NCOA2: variants seen among roughly 807,000 people sequenced by gnomAD.
The protein encoded by NCOA2 is nuclear receptor coactivator 2.
NCOA2 carries 21 observed loss-of-function variants against 145.1 expected under a neutral mutation model. The observed-to-expected ratio is 0.14, with a 90% CI of 0.10 to 0.21. The LOEUF (loss-of-function observed/expected upper bound fraction) is 0.21. Ranked by LOEUF, NCOA2 falls within the 10% of genes least tolerant of loss-of-function variation. The pLI, the probability that NCOA2 is intolerant of heterozygous loss-of-function variation, is 1.00. For missense variants in NCOA2, 1,472 were observed against 1,837.6 expected (o/e 0.80, Z 3.64); for synonymous variants, 619 against 637.5 (o/e 0.97, Z 0.44).
chr8:70,384,939 T>C (rs1195257168), intron 1 of NCOA2, among the ~76,000 whole-genome samples: 6 of 152,190 alleles, frequency 3.9e-5, no homozygotes, highest in African/African-American at 1.4e-4. Flanking sequence ...GTAATAATAA[T>C]CATTCTGTAA....
At chr8:70,361,611 T>C (rs779901371) in intron 1 of NCOA2, among the ~76,000 whole-genome samples, 1 of 152,260 alleles carries the variant, frequency 6.6e-6, no homozygotes, top group African/African-American at 2.4e-5. Context: ...TTGACATATA[T>C]TATCTCCTAC....
intron 1 of NCOA2, among the ~76,000 whole-genome samples, chr8:70,317,290 A>G (rs1586471196): frequency 6.6e-6 from 1 of 152,176 alleles, no homozygotes; most frequent in Non-Finnish European, 1.5e-5. Flanking sequence ...TGACTGGTGG[A>G]CCTGGTTCAA....
At chr8:70,210,163 C>T (rs966740131) in intron 4 of NCOA2, among the ~76,000 whole-genome samples, 12 of 152,200 alleles carry the variant, frequency 7.9e-5, no homozygotes, top group African/African-American at 2.2e-4. Flanking sequence ...CTCTGTGTCT[C>T]AGGTTCCCCT....
intron 2 of NCOA2, among the ~76,000 whole-genome samples, chr8:70,228,676 T>A (rs1010367729): frequency 6.6e-6 from 1 of 152,238 alleles, no homozygotes; most frequent in African/African-American, 2.4e-5. Context: ...CAATTGTTTA[T>A]AAAAGCTACA....
At chr8:70,350,282 A>G (rs1809061378) in intron 1 of NCOA2, among the ~76,000 whole-genome samples, 1 of 152,132 alleles carries the variant, frequency 6.6e-6, no homozygotes, top group Non-Finnish European at 1.5e-5. Context: ...CTCAGTTAAT[A>G]ATTATAATTC....
chr8:70,318,405 T>C (rs1249539546), intron 1 of NCOA2, among the ~76,000 whole-genome samples: 3 of 152,224 alleles, frequency 2.0e-5, no homozygotes, highest in African/African-American at 7.2e-5. Context: ...AGCATATCTT[T>C]TGAATCCTCC....
the NCOA2 span, among the ~76,000 whole-genome samples, chr8:70,408,822 T>C: frequency 6.6e-6 from 1 of 150,998 alleles, no homozygotes; most frequent in Non-Finnish European, 1.5e-5. Flanking sequence ...AGATGGGGTT[T>C]CACCGTCTTA....
In NCOA2 at chr8:70,128,683, G is replaced by C; in HGVS notation, c.3603+19C>G. On this transcript the variant is annotated intron_variant, in intron 17 of 22. Transcript: ENST00000452400. ...CCACCCAGCACCCCTGACTTCCCAGGTGCCATCGAAGAACAGACCTGCTGT... is the reference window on the plus strand; with the variant it reads ...CCACCCAGCACCCCTGACTTCCCAGCTGCCATCGAAGAACAGACCTGCTGT... 2 of 1,610,232 alleles carry C rather than the reference G, an allele frequency of 1.2e-6. No individual in the cohort carries two copies. The highest frequency in any genetic ancestry group is 1.7e-4 in the Middle Eastern group (1 of 6,052).
Position 70,157,053 on chromosome 8 carries a change from T to C in NCOA2, c.1312A>G (p.Met438Val), listed in dbSNP as rs1335285596. Residue 438 changes from methionine (M) to valine (V), a missense_variant, in exon 11 of 23, where the codon ATG (methionine) becomes GTG (valine). This residue lies in a region of NCOA2 where 953 missense variants were observed against 1,062.1 expected (regional missense o/e 0.90). Transcript: ENST00000452400. ...CCCCCAGAACCACCAAACCTGCCCA[T>C]GGGCATGCCCATTTGTTCCTTTGGG... ...NGPKEQMGMP[M>V]GRFGGSGGMN... The C allele has an allele frequency of 3.1e-6, 5 of 1,613,932 alleles. No individual in the cohort carries two copies. The highest frequency in any genetic ancestry group is 3.3e-4 in the Middle Eastern group (2 of 6,084).
At chr8:70,440,165 G>A in the NCOA2 span, among the ~76,000 whole-genome samples, 1 of 152,108 alleles carries the variant, frequency 6.6e-6, no homozygotes, top group Admixed American at 6.5e-5. Context: ...CACACCTGTA[G>A]TCTCGGGAGG....
intron 2 of NCOA2, among the ~76,000 whole-genome samples, chr8:70,226,475 C>T (rs1820652352): frequency 6.6e-6 from 1 of 152,010 alleles, no homozygotes. Context: ...GAAACCTATA[C>T]TGTACTAAGT....
chr8:70,367,640 T>C (rs1450845711), intron 1 of NCOA2, among the ~76,000 whole-genome samples: 1 of 152,220 alleles, frequency 6.6e-6, no homozygotes, highest in East Asian at 1.9e-4. Flanking sequence ...GTGTATTAAG[T>C]AGAACTATTC....
chr8:70,234,300 T>C (rs1393282185), intron 2 of NCOA2, among the ~76,000 whole-genome samples: 3 of 152,224 alleles, frequency 2.0e-5, no homozygotes, highest in Non-Finnish European at 4.4e-5. Flanking sequence ...TTGGCTATTA[T>C]GAATAATGCT....
intron 1 of NCOA2, among the ~76,000 whole-genome samples, chr8:70,378,658 T>A (rs1811896598): frequency 6.6e-6 from 1 of 150,562 alleles, no homozygotes; most frequent in Non-Finnish European, 1.5e-5. Flanking sequence ...TGAAAAGCTT[T>A]CCCAAGGCCA....
intron 4 of NCOA2, among the ~76,000 whole-genome samples, chr8:70,177,246 G>A (rs1455924936): frequency 6.6e-6 from 1 of 152,170 alleles, no homozygotes; most frequent in Non-Finnish European, 1.5e-5. Flanking sequence ...CAGCTTGAAA[G>A]GTCTGCTTTG....
chr8:70,292,396 C>T (rs754685913), intron 2 of NCOA2, among the ~76,000 whole-genome samples: 24 of 151,842 alleles, frequency 1.6e-4, no homozygotes, highest in Non-Finnish European at 1.2e-4. Context: ...CGTGATCTGC[C>T]GCCTGGGAAT....
At chr8:70,402,568 C>G (rs1417125052) in intron 1 of NCOA2, 5 of 152,116 alleles carry the variant, frequency 3.3e-5, no homozygotes, top group Non-Finnish European at 7.3e-5. Flanking sequence ...CAGCCGGCAG[C>G]GACGACCCCG....
At position 70,144,832 on chromosome 8, in the gene NCOA2, T is replaced by C; in HGVS notation, c.2622A>G (p.Arg874=). The C allele has an allele frequency of 6.2e-7, 1 of 1,613,932 alleles. No homozygotes were observed. Among genetic ancestry groups the C allele is most frequent in the Non-Finnish European group, 8.5e-7 (1 of 1,179,830 alleles). ...RISQSTFNNP[R]PGQLGRLLPN... is the part of the protein sequence containing the mutation. ...GCAATAACCTGCCCAGTTGCCCTGG[T>C]CGTGGGTTATTAAAAGCTAAGGAGA... The change falls in exon 13 of 23, where the codon CGA becomes CGG. Residue 874 remains arginine, a synonymous_variant. Coordinates refer to ENST00000452400, the MANE Select transcript of NCOA2 (RefSeq NM_006540.4).
chr8:70,177,921 C>T (rs1295447286), intron 4 of NCOA2, among the ~76,000 whole-genome samples: 2 of 152,156 alleles, frequency 1.3e-5, no homozygotes, highest in South Asian at 2.1e-4. Flanking sequence ...ACTAATGTTG[C>T]ATTTTTGGGC....
Sources: gnomAD v4.1 joint callset for allele counts (sites outside exome capture counted in the v4.1 genomes callset) on GRCh38, gnomAD v4.1.1 for gene constraint, gnomAD v4.1.1 regional missense constraint, MANE v1.5 for transcripts, NCBI Gene and HGNC (gene_info 2026-07-23, HGNC 2026-07-21) for gene names.